Variants in NCF2 observed in about 807,000 individuals in gnomAD.
The protein encoded by NCF2 is neutrophil cytosolic factor 2.
A neutral mutation model predicts 70.9 loss-of-function variants in NCF2; 45 were observed. The ratio of observed to expected loss-of-function variants is 0.63; its 90% confidence interval spans 0.50 to 0.81. The LOEUF (loss-of-function observed/expected upper bound fraction) is 0.81. Among genes scored for constraint, NCF2 ranks in the 40% least tolerant of loss-of-function variants. The pLI, the probability that NCF2 is intolerant of heterozygous loss-of-function variation, is 0.00. For missense variants in NCF2, 522 were observed against 631.6 expected (o/e 0.83, Z 1.86); for synonymous variants, 203 against 233.6 (o/e 0.87, Z 1.19).
At chr1:183,582,808 G>A (rs79633651) in intron 2 of NCF2, among the ~76,000 whole-genome samples, 2 of 152,140 alleles carry the variant, frequency 1.3e-5, no homozygotes, top group South Asian at 2.1e-4. Flanking sequence ...AGACAGCTTC[G>A]AGCCCCTGTG....
intron 1 of NCF2, among the ~76,000 whole-genome samples, chr1:183,587,306 A>G (rs1388649092): frequency 1.3e-5 from 2 of 152,200 alleles, no homozygotes; most frequent in Non-Finnish European, 2.9e-5. Context: ...ACAAGAATCC[A>G]ATAATTCCCA....
At chr1:183,563,328 G>A (rs1041669333) in intron 12 of NCF2, 22 bp from the exon 13 acceptor site, 9 of 1,613,632 alleles carry the variant, frequency 5.6e-6, no homozygotes, top group African/African-American at 1.3e-5. Flanking sequence ...TAATGAGTAA[G>A]AATCCAGTCA....
chr1:183,576,468 G>A (rs36071574), intron 3 of NCF2, among the ~76,000 whole-genome samples: 8,636 of 152,270 alleles, frequency 0.057, 265 homozygotes, highest in South Asian at 0.1. Context: ...GGGAGTGGTG[G>A]TGGCAGTGCT....
In NCF2 at chr1:183,566,913, A is replaced by T. The variant is rs1354328395; in HGVS notation, c.924+7T>A. The T allele has an allele frequency of 6.2e-7, 1 of 1,613,790 alleles. No individual in the cohort carries two copies. Among genetic ancestry groups the T allele is most frequent in the Non-Finnish European group, 8.5e-7 (1 of 1,180,024 alleles). ...AGGAAATGGGTCAGGCCTTGGCATC[A>T]CATTACCTGGGGCTGCTGCTGAGGG... On this transcript the variant is annotated splice_region_variant and intron_variant, in intron 9 of 14. Transcript: ENST00000367535.
At chr1:183,581,512 G>C (rs1383467574) in intron 2 of NCF2, among the ~76,000 whole-genome samples, 1 of 151,528 alleles carries the variant, frequency 6.6e-6, no homozygotes, top group Non-Finnish European at 1.5e-5. Flanking sequence ...TTTTGTTATA[G>C]AGACGGGGGT....
chr1:183,599,407 T>C, the NCF2 span, among the ~76,000 whole-genome samples: 1 of 134,486 alleles, frequency 7.4e-6, no homozygotes, highest in African/African-American at 3.0e-5. Flanking sequence ...CCTCTTTTTC[T>C]TTCTTTCTTT....
rs759330761 is a variant in NCF2 at position 183,567,400 on chromosome 1, G to T, written c.714-55C>A. ...CCATCCCCTCACATGATGCCATGGC[G>T]CAAATACACTGAACTTGGAGCCAGG... On this transcript the variant is annotated intron_variant, in intron 7 of 14. Transcript: ENST00000367535. 5.6e-6 allele frequency: 9 copies of T among 1,609,330 alleles called. No individual in the cohort carries two copies. The African/African-American group carries it at 8.0e-5, about 14-fold the overall frequency.
the NCF2 span, among the ~76,000 whole-genome samples, chr1:183,599,459 TTTCTTTCTTTCTTTCTTTCTTTCTC>T: frequency 2.1e-5 from 3 of 140,366 alleles, no homozygotes; most frequent in South Asian, 2.3e-4. Flanking sequence ...TCTTTCTTTC[TTTCTTTCTTTCTTTCTTTCTTTCTC>T]TTTTCTTTCT....
chr1:183,564,085 G>A (rs1036213056), intron 10 of NCF2, 55 bp from the exon 11 acceptor site: 1 of 1,541,790 alleles, frequency 6.5e-7, no homozygotes, highest in Non-Finnish European at 9.0e-7. Context: ...GAACATCCTT[G>A]GCCAGCCCCT....
chr1:183,589,727 T>C (rs911832198), intron 1 of NCF2, among the ~76,000 whole-genome samples: 5 of 152,172 alleles, frequency 3.3e-5, no homozygotes, highest in African/African-American at 1.2e-4. Flanking sequence ...TTAAATCTCT[T>C]GAGCAGGCAA....
the NCF2 span, chr1:183,598,037 C>T: frequency 6.6e-6 from 1 of 152,250 alleles, no homozygotes; most frequent in African/African-American, 2.4e-5. Flanking sequence ...GTGTATAAAC[C>T]TAGGAGCTGC....
At chr1:183,599,105 GGTA>G in the NCF2 span, among the ~76,000 whole-genome samples, 2 of 152,234 alleles carry the variant, frequency 1.3e-5, no homozygotes, top group Non-Finnish European at 2.9e-5. Flanking sequence ...CTCTTGACCA[GGTA>G]CAGCGGCTCA....
intron 9 of NCF2, among the ~76,000 whole-genome samples, chr1:183,566,564 T>C (rs1672307833): frequency 6.6e-6 from 1 of 152,188 alleles, no homozygotes; most frequent in Non-Finnish European, 1.5e-5. Context: ...TCTAATGGCA[T>C]TGTACCAGCC....
chr1:183,561,859 A>T (rs867360309), intron 13 of NCF2, among the ~76,000 whole-genome samples: 17 of 123,144 alleles, frequency 1.4e-4, no homozygotes, highest in Admixed American at 3.3e-4. Context: ...GTGCAGTGGT[A>T]TGATATCAGC....
intron 14 of NCF2, among the ~76,000 whole-genome samples, chr1:183,559,521 G>C (rs1671943670): frequency 6.6e-6 from 1 of 152,194 alleles, no homozygotes; most frequent in Non-Finnish European, 1.5e-5. Flanking sequence ...CTCTGGGAAT[G>C]AGAATCCATG....
intron 13 of NCF2, among the ~76,000 whole-genome samples, chr1:183,562,802 C>T (rs1360522771): frequency 7.9e-5 from 11 of 139,402 alleles, no homozygotes; most frequent in Non-Finnish European, 3.0e-5. Context: ...CCAGCTTGGG[C>T]GACAGAGTGA....
chr1:183,578,596 C>G (rs1672915153), intron 2 of NCF2, among the ~76,000 whole-genome samples: 1 of 152,212 alleles, frequency 6.6e-6, no homozygotes, highest in Non-Finnish European at 1.5e-5. Context: ...AAACTCCTGA[C>G]CTCGACTGAT....
intron 2 of NCF2, among the ~76,000 whole-genome samples, chr1:183,581,460 C>A (rs1673069096): frequency 6.6e-6 from 1 of 151,256 alleles, no homozygotes; most frequent in East Asian, 2.0e-4. Context: ...ATAGTGAGAC[C>A]CCTTCTCTAA....
chr1:183,578,118 T>C (rs997827023), intron 2 of NCF2, among the ~76,000 whole-genome samples: 1 of 152,138 alleles, frequency 6.6e-6, no homozygotes, highest in African/African-American at 2.4e-5. Context: ...GGAATACTGC[T>C]CACTCCTGGC....
Sources: allele counts gnomAD v4.1 joint callset (sites outside exome capture counted in the v4.1 genomes callset), GRCh38; gene constraint gnomAD v4.1.1; transcripts MANE v1.5; gene names NCBI Gene and HGNC (gene_info 2026-07-23, HGNC 2026-07-21).